LRFN2: variants seen among roughly 807,000 people sequenced by gnomAD.
LRFN2 encodes the protein leucine rich repeat and fibronectin type III domain containing 2.
LRFN2 carries 18 observed loss-of-function variants against 37.3 expected under a neutral mutation model. That is an observed-to-expected ratio of 0.48 (90% CI 0.33 to 0.72). LRFN2 has a LOEUF of 0.72. Among genes scored for constraint, LRFN2 ranks in the 30% least tolerant of loss-of-function variants. The pLI is 0.02. For synonymous variants in LRFN2, 556 were observed against 466.6 expected (o/e 1.19, Z -2.47); for missense variants, 1,006 against 1,060.7 (o/e 0.95, Z 0.72).
At chr6:40,466,784 C>A (rs1193560842) in intron 1 of LRFN2, among the ~76,000 whole-genome samples, 1 of 152,108 alleles carries the variant, frequency 6.6e-6, no homozygotes, top group Non-Finnish European at 1.5e-5. Context: ...GGCCAAAATT[C>A]ATAAGTATGT....
At chr6:40,411,970 T>C (rs568586553) in intron 2 of LRFN2, among the ~76,000 whole-genome samples, 28 of 152,292 alleles carry the variant, frequency 1.8e-4, no homozygotes, top group African/African-American at 6.5e-4. Flanking sequence ...ATTTCTTTGC[T>C]AGCATAGCTG....
At chr6:40,465,651 A>G (rs1764445064) in intron 1 of LRFN2, among the ~76,000 whole-genome samples, 1 of 152,154 alleles carries the variant, frequency 6.6e-6, no homozygotes, top group African/African-American at 2.4e-5. Flanking sequence ...CCCATGTAGG[A>G]TTTGACTCAG....
chr6:40,479,377 G>C lies in LRFN2; in HGVS notation c.-18-46246C>G, dbSNP rs555124171. 2.6e-5 allele frequency among the ~76,000 whole-genome samples: 4 copies of C among 152,332 alleles called. No homozygotes were observed. In the East Asian group the frequency reaches 7.7e-4, roughly 29 times the overall value. ...AGTGGCTGCAGTGCCATGGGCACTG[G>C]CCCTACAAGACAAGGCACAAGGGTT... On this transcript the variant is annotated intron_variant, in intron 1 of 2. Coordinates refer to ENST00000338305, the MANE Select transcript of LRFN2 (RefSeq NM_020737.3).
intron 1 of LRFN2, among the ~76,000 whole-genome samples, chr6:40,523,538 C>T (rs1194273217): frequency 3.0e-5 from 4 of 132,240 alleles, no homozygotes; most frequent in African/African-American, 5.6e-5. Context: ...TTTTTTTTAC[C>T]GATAGCCCTA....
chr6:40,565,887 G>T (rs1451476613), intron 1 of LRFN2, among the ~76,000 whole-genome samples: 2 of 151,876 alleles, frequency 1.3e-5, no homozygotes, highest in Admixed American at 6.6e-5. Context: ...TGACAAATGG[G>T]ATCTAATTAA....
intron 1 of LRFN2, among the ~76,000 whole-genome samples, chr6:40,540,915 T>C (rs1766543594): frequency 6.6e-6 from 1 of 152,140 alleles, no homozygotes. Flanking sequence ...AAGCGGTCTA[T>C]CAGAGGCTGC....
intron 1 of LRFN2, among the ~76,000 whole-genome samples, chr6:40,433,664 T>C (rs1005096776): frequency 6.6e-6 from 1 of 152,210 alleles, no homozygotes; most frequent in Admixed American, 6.5e-5. Context: ...TGAAATTAAA[T>C]TGAACCAGCA....
chr6:40,519,756 G>T (rs183420046), intron 1 of LRFN2, among the ~76,000 whole-genome samples: 3 of 152,346 alleles, frequency 2.0e-5, no homozygotes, highest in African/African-American at 4.8e-5. Context: ...TGTGTAAAAG[G>T]TGCCCTGATA....
intron 2 of LRFN2, among the ~76,000 whole-genome samples, chr6:40,419,236 G>A (rs13205455): frequency 0.34 from 51,087 of 152,138 alleles, 9,889 homozygotes; most frequent in Non-Finnish European, 0.41. Context: ...GATGCTGAGC[G>A]CAGTTCATTC....
rs140857110 is a variant in LRFN2 at position 40,484,429 on chromosome 6, T to C, written c.-18-51298A>G. ...CAAAGCAGTCCCTCCTGGCAGCTTC[T>C]TCAGAGGCCTAGGCCGGTGCCTCTC... On this transcript the variant is annotated intron_variant, in intron 1 of 2. Coordinates refer to ENST00000338305, the MANE Select transcript of LRFN2 (RefSeq NM_020737.3). Among the ~76,000 whole-genome samples the C allele has an allele frequency of 1.5e-3, 226 of 152,320 alleles. 2 individuals are homozygous for C. Among genetic ancestry groups the C allele is most frequent in the African/African-American group, 5.1e-3 (213 of 41,580 alleles).
intron 1 of LRFN2, among the ~76,000 whole-genome samples, chr6:40,465,899 G>A (rs1326732801): frequency 6.6e-6 from 1 of 152,146 alleles, no homozygotes; most frequent in East Asian, 1.9e-4. Flanking sequence ...GGGAAGGGAG[G>A]CTTTAACCTG....
chr6:40,583,048 C>A (rs1034847360), intron 1 of LRFN2, among the ~76,000 whole-genome samples: 1 of 152,120 alleles, frequency 6.6e-6, no homozygotes, highest in Non-Finnish European at 1.5e-5. Context: ...CTAACACTTA[C>A]CTCTGTTAAT....
intron 1 of LRFN2, among the ~76,000 whole-genome samples, chr6:40,534,056 A>T (rs1766403555): frequency 6.6e-6 from 1 of 152,188 alleles, no homozygotes; most frequent in Admixed American, 6.5e-5. Flanking sequence ...AAACTTAGGG[A>T]CAGAGAGACT....
intron 1 of LRFN2, among the ~76,000 whole-genome samples, chr6:40,557,712 C>T (rs1311759848): frequency 6.6e-6 from 1 of 152,124 alleles, no homozygotes; most frequent in Non-Finnish European, 1.5e-5. Context: ...AGATCCTGGC[C>T]CTGCTATGGG....
At chr6:40,454,034 G>A (rs1299112158) in intron 1 of LRFN2, among the ~76,000 whole-genome samples, 1 of 152,188 alleles carries the variant, frequency 6.6e-6, no homozygotes, top group Non-Finnish European at 1.5e-5. Context: ...GTTCCCTGAA[G>A]TGGGGTCTCC....
chr6:40,468,156 T>A (rs1180568530), intron 1 of LRFN2, among the ~76,000 whole-genome samples: 1 of 152,056 alleles, frequency 6.6e-6, no homozygotes, highest in Non-Finnish European at 1.5e-5. Context: ...GGTGAACCTT[T>A]CTGAACCTGG....
chr6:40,472,815 G>A lies in LRFN2; in HGVS notation c.-18-39684C>T, dbSNP rs957062513. ...TGGCAGGCTGACATGTAGGCACCAT[G>A]TCATTCCCTAAACTGCATTGTATTG... On this transcript the variant is annotated intron_variant, in intron 1 of 2. Transcript: ENST00000338305. 2.0e-5 allele frequency among the ~76,000 whole-genome samples: 3 copies of A among 152,112 alleles called. No homozygotes were observed. In the South Asian group the frequency reaches 6.2e-4, roughly 32 times the overall value.
intron 1 of LRFN2, among the ~76,000 whole-genome samples, chr6:40,540,748 G>A (rs1382923488): frequency 6.6e-6 from 1 of 152,150 alleles, no homozygotes; most frequent in Non-Finnish European, 1.5e-5. Context: ...CCAGCGGTGG[G>A]GCAAGCACCC....
intron 1 of LRFN2, among the ~76,000 whole-genome samples, chr6:40,484,285 C>T (rs78788271): frequency 0.028 from 4,249 of 152,282 alleles, 110 homozygotes; most frequent in East Asian, 0.097. Context: ...ACTCTCATTT[C>T]GGAGGCCTCT....
Sources: gnomAD v4.1 joint callset for allele counts (sites outside exome capture counted in the v4.1 genomes callset) on GRCh38, gnomAD v4.1.1 for gene constraint, MANE v1.5 for transcripts, NCBI Gene and HGNC (gene_info 2026-07-23, HGNC 2026-07-21) for gene names.